The following RIIAD1 variants were observed in gnomAD, a reference collection of about 807,000 sequenced individuals.
RIIAD1 encodes the protein regulatory subunit of type II PKA R-subunit domain containing 1.
RIIAD1 carries 15 observed loss-of-function variants against 13.3 expected under a neutral mutation model. The ratio of observed to expected loss-of-function variants is 1.13; its 90% confidence interval spans 0.76 to 1.74. The LOEUF is 1.74. Ranked by LOEUF, RIIAD1 falls within the 40% of genes most tolerant of loss-of-function variation. The pLI, the probability that RIIAD1 is intolerant of heterozygous loss-of-function variation, is 0.00. For missense variants in RIIAD1, 121 were observed against 112.2 expected (o/e 1.08, Z -0.35); for synonymous variants, 50 against 43.3 (o/e 1.16, Z -0.61).
intron 4 of RIIAD1, among the ~76,000 whole-genome samples, chr1:151,715,168 G>T (rs1673371299): frequency 6.6e-6 from 1 of 152,054 alleles, no homozygotes; most frequent in Admixed American, 6.5e-5. Context: ...AGCCGGAAGT[G>T]CCTCTTCCCT....
At chr1:151,728,178 T>TCTCAATACGCCTTTGCTAG (rs1673865761) in intron 3 of RIIAD1, among the ~76,000 whole-genome samples, 1 of 152,202 alleles carries the variant, frequency 6.6e-6, no homozygotes, top group Non-Finnish European at 1.5e-5. Flanking sequence ...GCTAACAGAA[T>TCTCAATACGCCTTTGCTAG]CTCAATACGC....
At chr1:151,716,031 C>G in intron 4 of RIIAD1, 1 of 1,606,732 alleles carries the variant, frequency 6.2e-7, no homozygotes, top group Non-Finnish European at 8.5e-7. Flanking sequence ...TGAGGCGGCC[C>G]AGGAGGAGGG....
intron 2 of RIIAD1, among the ~76,000 whole-genome samples, chr1:151,725,107 CT>C (rs71759600): frequency 0.029 from 2,482 of 84,576 alleles, 68 homozygotes; most frequent in African/African-American, 0.12. Flanking sequence ...CGCACCTCGC[CT>C]TTTTTTTTTT....
In RIIAD1 at chr1:151,729,756, CT is replaced by C; in HGVS notation, c.*327del. 1 of 152,180 alleles carries C rather than the reference CT, an allele frequency of 6.6e-6. No individual in the cohort carries two copies. 9.4% of individuals were successfully genotyped at this position (152,180 alleles called of 1,614,324 possible). A position where few individuals can be genotyped will look rare whatever the true frequency, so the allele number is the denominator to read the frequency against. On this transcript the variant is annotated 3_prime_UTR_variant, in exon 5 of 5. Coordinates refer to ENST00000479191, the MANE Select transcript of RIIAD1 (RefSeq NM_001144956.3). ...GTCAGTGGGCTGTCGTGCCCACCCC[CT>C]GGGAAGAACACAGCTGATCACGGGG...
intron 1 of RIIAD1, 145 bp downstream of exon 1, chr1:151,721,765 C>T (rs1879533): frequency 0.13 from 67,399 of 506,232 alleles, 4,873 homozygotes; most frequent in Non-Finnish European, 0.14. Flanking sequence ...GGGAGACCCC[C>T]GGCGGACCTC....
At chr1:151,712,449 G>T (rs544007104) in intron 2 of RIIAD1, among the ~76,000 whole-genome samples, 4 of 152,286 alleles carry the variant, frequency 2.6e-5, no homozygotes, top group South Asian at 2.1e-4. Context: ...CCACTCACAG[G>T]TTCTCTCCGT....
chr1:151,715,823 C>A, intron 4 of RIIAD1: 1 of 1,593,792 alleles, frequency 6.3e-7, no homozygotes, highest in Non-Finnish European at 8.6e-7. Flanking sequence ...GGCTTAACTT[C>A]CCCCAGCCTC....
chr1:151,723,119 G>T (rs1673767608), intron 2 of RIIAD1, among the ~76,000 whole-genome samples: 1 of 152,220 alleles, frequency 6.6e-6, no homozygotes, highest in African/African-American at 2.4e-5. Context: ...GCGAGGTCAG[G>T]CAAGGTGGCT....
rs1476601422 is a variant in RIIAD1, at chr1:151,715,585, T to C, written c.21+1056T>C. On this transcript the variant is annotated intron_variant, in intron 4 of 8. Coordinates refer to the RIIAD1 transcript ENST00000326413. ...CAAACCAGCTCTCTTGTCCCTCCAT[T>C]CTTTCTTGAGTTCATCCCATGACAT... 4 of 1,398,584 alleles carry C rather than the reference T, an allele frequency of 2.9e-6. No individual in the cohort carries two copies. In the South Asian group the frequency reaches 4.9e-5, roughly 17 times the overall value. 86.6% of individuals were successfully genotyped at this position (1,398,584 alleles called of 1,614,324 possible).
intron 1 of RIIAD1, 146 bp from the exon 2 acceptor site, chr1:151,721,940 A>C (rs1291117517): frequency 4.7e-6 from 3 of 638,668 alleles, no homozygotes; most frequent in East Asian, 2.7e-5. Flanking sequence ...TTTATCTGTA[A>C]GAAGATGGGT....
In RIIAD1 at chr1:151,722,150, G is replaced by A. The variant is rs78151238; in HGVS notation, c.149G>A (p.Ser50Asn). ...RTHKEVEWLI[S>N]GFFREIFLKR... ...CACAAAGAAGTAGAGTGGCTCATAA[G>A]TGGTTTCTTCAGGTAGGTGGTTTTC... is the stretch of plus-strand genomic sequence containing the variant. Residue 50 changes from serine to asparagine, a missense_variant, in exon 2 of 5, where the codon AGT becomes AAT. Ser to Asn is a conservative substitution (Grantham distance 46, BLOSUM62 1). Transcript: ENST00000479191. The A allele has an allele frequency of 1.7e-3, 2,579 of 1,550,620 alleles. 41 individuals carry two copies. The African/African-American group carries it at 0.031, about 18-fold the overall frequency.
rs71759600 is a variant in RIIAD1 at position 151,725,107 on chromosome 1, C to CTTTTT, written c.162-2452_162-2448dup. The stretch of plus-strand genomic sequence containing the variant: ...ACAGGCATGAGCCACCGCACCTCGC[C>CTTTTT]TTTTTTTTTTTTTTTTTTTTGGAGA... On this transcript the variant is annotated intron_variant, in intron 2 of 4. Transcript: ENST00000479191. Among the ~76,000 whole-genome samples, 22 of 84,658 alleles carry CTTTTT rather than the reference C, an allele frequency of 2.6e-4. 2 individuals are homozygous for CTTTTT. Among genetic ancestry groups the CTTTTT allele is most frequent in the South Asian group, 1.7e-3 (4 of 2,294 alleles). 55.5% of individuals were successfully genotyped at this position (84,658 alleles called of 152,430 possible).
Position 151,724,822 on chromosome 1 carries a change from C to T in RIIAD1, c.161+2660C>T, listed in dbSNP as rs189316287. On this transcript the variant is annotated intron_variant, in intron 2 of 4. Coordinates refer to ENST00000479191, the MANE Select transcript of RIIAD1 (RefSeq NM_001144956.3). ...GAAAGTATTTTTTTTTTTTTTGAGA[C>T]GGAGTCTCGCTCTGTCGCTTAGGCT... Among the ~76,000 whole-genome samples, 612 of 147,886 alleles carry T rather than the reference C, an allele frequency of 4.1e-3. 3 individuals carry two copies. The highest frequency in any genetic ancestry group is 0.014 in the African/African-American group (580 of 40,438).
intron 3 of RIIAD1, 160 bp from the exon 4 acceptor site, chr1:151,728,606 G>A (rs1384333768): frequency 1.5e-5 from 9 of 609,658 alleles, no homozygotes; most frequent in Non-Finnish European, 2.4e-5. Flanking sequence ...GGCAGTGACC[G>A]TTCATTTTAC....
At chr1:151,723,321 G>A (rs1673772919) in intron 2 of RIIAD1, among the ~76,000 whole-genome samples, 1 of 151,988 alleles carries the variant, frequency 6.6e-6, no homozygotes, top group African/African-American at 2.4e-5. Context: ...TTGAACCCAG[G>A]AGGCAAAGGT....
intron 4 of RIIAD1, among the ~76,000 whole-genome samples, chr1:151,715,082 A>C (rs1673361093): frequency 6.6e-6 from 1 of 151,060 alleles, no homozygotes; most frequent in South Asian, 2.1e-4. Context: ...CTATTTCCTC[A>C]TCTCTCCCCA....
exon 4 of RIIAD1, chr1:151,714,491 T>G: frequency 8.6e-6 from 7 of 815,284 alleles, no homozygotes; most frequent in South Asian, 1.4e-5. Flanking sequence ...TTCCTGGTGA[T>G]GAGAGGAGGT....
chr1:151,726,818 A>G (rs1473630632), intron 2 of RIIAD1, among the ~76,000 whole-genome samples: 1 of 152,324 alleles, frequency 6.6e-6, no homozygotes, highest in East Asian at 1.9e-4. Flanking sequence ...TGAGGGGCCA[A>G]TAACCATCTG....
intron 2 of RIIAD1, 133 bp from the exon 3 acceptor site, chr1:151,727,442 A>C (rs985415254): frequency 1.7e-5 from 12 of 696,150 alleles, no homozygotes; most frequent in Non-Finnish European, 3.1e-5. Context: ...CTTTGTCAGG[A>C]GTCTGCGGAT....
Sources: allele counts gnomAD v4.1 joint callset (sites outside exome capture counted in the v4.1 genomes callset), GRCh38; gene constraint gnomAD v4.1.1; transcripts MANE v1.5; gene names NCBI Gene and HGNC (gene_info 2026-07-23, HGNC 2026-07-21).